The following RABGAP1 variants were observed in gnomAD, a reference collection of about 807,000 sequenced individuals.
RABGAP1 encodes rab GTPase-activating protein 1.
In RABGAP1, 23 loss-of-function variants were observed where a neutral mutation model predicts 137.6. That is an observed-to-expected ratio of 0.17 (90% CI 0.12 to 0.24). The LOEUF is 0.24. Ranked by LOEUF, RABGAP1 falls within the 10% of genes least tolerant of loss-of-function variation. RABGAP1 has a pLI of 1.00. For synonymous variants in RABGAP1, 451 were observed against 450.7 expected, an observed-to-expected ratio of 1.00 and a Z score of -0.01; for missense variants, 906 against 1,275.8, an observed-to-expected ratio of 0.71 and a Z score of 4.42.
chr9:123,094,031 A>C (rs1381369991), intron 21 of RABGAP1, among the ~76,000 whole-genome samples: 1 of 152,158 alleles, frequency 6.6e-6, no homozygotes, highest in Non-Finnish European at 1.5e-5. Flanking sequence ...ATTGTTTTTT[A>C]AATTTCATCT....
intron 10 of RABGAP1, among the ~76,000 whole-genome samples, chr9:123,004,873 A>G (rs2030069689): frequency 6.6e-6 from 1 of 151,866 alleles, no homozygotes; most frequent in South Asian, 2.1e-4. Flanking sequence ...CCTGACCAAC[A>G]TGGCGAAACC....
intron 2 of RABGAP1, among the ~76,000 whole-genome samples, chr9:122,982,232 C>G (rs548821214): frequency 4.3e-4 from 66 of 152,204 alleles, no homozygotes; most frequent in African/African-American, 1.2e-3. Context: ...ATGTACATTA[C>G]TTTTTCCTAG....
At chr9:123,091,826 G>A (rs2035039984) in intron 21 of RABGAP1, among the ~76,000 whole-genome samples, 1 of 152,070 alleles carries the variant, frequency 6.6e-6, no homozygotes, top group African/African-American at 2.4e-5. Context: ...TGCTCATCAG[G>A]GTTGAGTTTC....
chr9:123,010,546 C>T lies in RABGAP1; in HGVS notation c.1549+18C>T. On this transcript the variant is annotated intron_variant, in intron 11 of 25. Transcript: ENST00000373647. Reference sequence around the variant, plus strand: ...AGAGGAAGGTAAACTGTAGGGATAGCTTAATTTATTTTTGGGGGTGGAAGA... The same window carrying T: ...AGAGGAAGGTAAACTGTAGGGATAGTTTAATTTATTTTTGGGGGTGGAAGA... 6.2e-7 allele frequency: 1 copy of T among 1,601,278 alleles called. No homozygotes were observed. Among genetic ancestry groups the T allele is most frequent in the South Asian group, 1.1e-5 (1 of 89,696 alleles).
At chr9:123,051,979 G>A (rs1392960474) in intron 13 of RABGAP1, among the ~76,000 whole-genome samples, 2 of 76,390 alleles carry the variant, frequency 2.6e-5, no homozygotes, top group African/African-American at 8.4e-5. Flanking sequence ...TTTTTTTTTT[G>A]TATTATTCGT....
chr9:123,076,816 T>C, intron 19 of RABGAP1, 54 bp downstream of exon 19: 1 of 1,310,626 alleles, frequency 7.6e-7, no homozygotes, highest in Non-Finnish European at 1.0e-6. Flanking sequence ...TGTCTCACTA[T>C]TCCTGATCAT....
chr9:122,962,403 G>GA (rs34096110), intron 2 of RABGAP1, among the ~76,000 whole-genome samples: 94,863 of 151,794 alleles, frequency 0.62, 36,751 homozygotes, highest in Non-Finnish European at 0.86. Context: ...TCTGTAGTCA[G>GA]AAGGTGACTT....
intron 13 of RABGAP1, chr9:123,034,896 A>G: frequency 6.2e-7 from 1 of 1,613,450 alleles, no homozygotes; most frequent in Non-Finnish European, 8.5e-7. Flanking sequence ...TTGTAGTATC[A>G]GTTCTGAAGA....
chr9:122,966,524 G>GAAAAAATA (rs1246924893), intron 2 of RABGAP1, among the ~76,000 whole-genome samples: 3 of 151,240 alleles, frequency 2.0e-5, no homozygotes, highest in African/African-American at 7.3e-5. Flanking sequence ...ACTCCATCTC[G>GAAAAAATA]AAAAAATAAA....
chr9:122,951,414 C>CAA (rs886293634), intron 1 of RABGAP1, among the ~76,000 whole-genome samples: 2 of 137,656 alleles, frequency 1.5e-5, no homozygotes, highest in Admixed American at 7.3e-5. Flanking sequence ...TACTCTGTCT[C>CAA]AAAAAAAAAA....
intron 19 of RABGAP1, among the ~76,000 whole-genome samples, chr9:123,087,035 A>C (rs1260847469): frequency 6.6e-6 from 1 of 152,230 alleles, no homozygotes; most frequent in Non-Finnish European, 1.5e-5. Context: ...AAACACCCAT[A>C]TCCTATCATG....
intron 1 of RABGAP1, among the ~76,000 whole-genome samples, chr9:122,953,056 G>A (rs1234671757): frequency 1.3e-5 from 2 of 152,124 alleles, no homozygotes; most frequent in African/African-American, 4.8e-5. Context: ...TGTGAAATTA[G>A]GAAATTAATT....
chr9:123,081,290 G>A (rs1035483458), intron 19 of RABGAP1, among the ~76,000 whole-genome samples: 5 of 152,200 alleles, frequency 3.3e-5, no homozygotes, highest in Admixed American at 2.6e-4. Flanking sequence ...GAAGTTACAC[G>A]TGGATTTTCA....
intron 10 of RABGAP1, among the ~76,000 whole-genome samples, chr9:123,006,641 C>G (rs544324009): frequency 6.6e-6 from 1 of 152,266 alleles, no homozygotes; most frequent in African/African-American, 2.4e-5. Context: ...GGGTCTCACT[C>G]TGTCAACCCA....
intron 6 of RABGAP1, among the ~76,000 whole-genome samples, chr9:122,995,333 A>G (rs779587581): frequency 6.6e-6 from 1 of 152,154 alleles, no homozygotes; most frequent in African/African-American, 2.4e-5. Context: ...ATGATTAAGT[A>G]TCTTTTTCTT....
intron 11 of RABGAP1, among the ~76,000 whole-genome samples, chr9:123,012,179 G>C (rs912111881): frequency 6.6e-6 from 1 of 152,212 alleles, no homozygotes; most frequent in Non-Finnish European, 1.5e-5. Context: ...ATGCAATTCA[G>C]AGTCCCCCTG....
chr9:122,944,255 G>T (rs1413310137), intron 1 of RABGAP1, among the ~76,000 whole-genome samples: 1 of 151,594 alleles, frequency 6.6e-6, no homozygotes, highest in Non-Finnish European at 1.5e-5. Flanking sequence ...AAAGAGATAG[G>T]GTTTTGTTCT....
chr9:123,024,623 A>G (rs1389295900), intron 13 of RABGAP1, among the ~76,000 whole-genome samples: 1 of 152,022 alleles, frequency 6.6e-6, no homozygotes, highest in African/African-American at 2.4e-5. Flanking sequence ...TATTTTTAGT[A>G]GATACTAAGT....
At chr9:122,940,004 T>C (rs1833467755), upstream of RABGAP1, 1 of 152,168 alleles carries the variant, frequency 6.6e-6, no homozygotes, top group Admixed American at 6.5e-5. Flanking sequence ...TTATAAATTA[T>C]CAAGTCTTAT....
Sources: allele counts gnomAD v4.1 joint callset (sites outside exome capture counted in the v4.1 genomes callset), GRCh38; gene constraint gnomAD v4.1.1; transcripts MANE v1.5; gene names NCBI Gene and HGNC (gene_info 2026-07-23, HGNC 2026-07-21).